Variants in CRPPA observed in about 807,000 individuals in gnomAD.
CRPPA encodes D-ribitol-5-phosphate cytidylyltransferase.
Under a neutral mutation model 52.0 loss-of-function variants are expected in CRPPA, and 43 were observed. The ratio of observed to expected loss-of-function variants is 0.83; its 90% CI spans 0.65 to 1.07. CRPPA has a LOEUF of 1.07. CRPPA is among the 50% of genes least tolerant of loss of function. The probability of loss-of-function intolerance (pLI) is 0.00; values close to 1 mark genes in which losing one functional copy is unlikely to be tolerated. For synonymous variants in CRPPA, 250 were observed against 203.5 expected (o/e 1.23, Z -1.94); for missense variants, 629 against 551.7 (o/e 1.14, Z -1.40).
intron 9 of CRPPA, among the ~76,000 whole-genome samples, chr7:16,113,588 T>C (rs1298881048): frequency 6.6e-6 from 1 of 151,914 alleles, no homozygotes; most frequent in Non-Finnish European, 1.5e-5. Flanking sequence ...GACCAACAAT[T>C]AGCCTGGCAG....
chr7:16,270,201 G>C (rs1267228103), intron 6 of CRPPA: 1 of 152,086 alleles, frequency 6.6e-6, no homozygotes. Flanking sequence ...TAGTATAATG[G>C]TTGTCCAGAA....
At chr7:16,389,505 C>T (rs928887765) in intron 2 of CRPPA, among the ~76,000 whole-genome samples, 3 of 151,994 alleles carry the variant, frequency 2.0e-5, no homozygotes, top group Non-Finnish European at 2.9e-5. Flanking sequence ...AAAGGACAAA[C>T]ATATGAACAT....
intron 3 of CRPPA, among the ~76,000 whole-genome samples, chr7:16,310,356 C>T (rs150029812): frequency 0.014 from 2,111 of 152,214 alleles, 20 homozygotes; most frequent in South Asian, 0.023. Flanking sequence ...TATAGAGAAA[C>T]ACACAGTCAA....
intron 9 of CRPPA, among the ~76,000 whole-genome samples, chr7:16,120,212 G>C (rs1583370104): frequency 6.6e-6 from 1 of 152,142 alleles, no homozygotes; most frequent in African/African-American, 2.4e-5. Context: ...GTTGACCTTG[G>C]TCAGGTCTGT....
At chr7:16,303,891 A>C (rs1034359228) in intron 4 of CRPPA, among the ~76,000 whole-genome samples, 4 of 152,218 alleles carry the variant, frequency 2.6e-5, no homozygotes, top group African/African-American at 9.6e-5. Context: ...TCATTCCAAT[A>C]ATATTGTGAT....
intron 9 of CRPPA, among the ~76,000 whole-genome samples, chr7:16,173,200 C>T (rs548408667): frequency 5.9e-5 from 9 of 152,178 alleles, no homozygotes; most frequent in Non-Finnish European, 1.0e-4. Flanking sequence ...TCACTAAGTT[C>T]ATCCAGGTGG....
chr7:16,397,646 ATGAC>A (rs1213423598), intron 2 of CRPPA, among the ~76,000 whole-genome samples: 1 of 152,126 alleles, frequency 6.6e-6, no homozygotes, highest in Non-Finnish European at 1.5e-5. Flanking sequence ...CACGTGACAC[ATGAC>A]TGACATGTGA....
intron 3 of CRPPA, among the ~76,000 whole-genome samples, chr7:16,317,562 T>G (rs569078027): frequency 6.6e-6 from 1 of 152,158 alleles, no homozygotes; most frequent in Non-Finnish European, 1.5e-5. Flanking sequence ...GGTAGATTCA[T>G]TCATGTTGTT....
intron 9 of CRPPA, among the ~76,000 whole-genome samples, chr7:16,154,584 T>C (rs1261359103): frequency 2.0e-5 from 3 of 152,220 alleles, no homozygotes; most frequent in African/African-American, 7.2e-5. Flanking sequence ...TGTGCCCAAG[T>C]ATTAGTTATA....
At chr7:16,287,075 GTAGA>G (rs530949322) in intron 5 of CRPPA, among the ~76,000 whole-genome samples, 161 of 152,102 alleles carry the variant, frequency 1.1e-3, no homozygotes, top group African/African-American at 3.7e-3. Flanking sequence ...TTTTATTGTG[GTAGA>G]TACTTTTATA....
chr7:16,272,090 C>A (rs1174396561), intron 6 of CRPPA, among the ~76,000 whole-genome samples: 1 of 152,124 alleles, frequency 6.6e-6, no homozygotes, highest in Non-Finnish European at 1.5e-5. Flanking sequence ...TGATCTATCT[C>A]TGGAGAGCTC....
At chr7:16,416,327 T>G (rs1788191376) in intron 1 of CRPPA, among the ~76,000 whole-genome samples, 1 of 152,106 alleles carries the variant, frequency 6.6e-6, no homozygotes, top group Admixed American at 6.5e-5. Flanking sequence ...TCCAGAGGAA[T>G]AAAACTGGAC....
chr7:16,237,999 T>C (rs930716144), intron 8 of CRPPA, among the ~76,000 whole-genome samples: 6 of 152,322 alleles, frequency 3.9e-5, no homozygotes, highest in African/African-American at 1.4e-4. Flanking sequence ...CCTAGCTAAA[T>C]TTCTCAAACC....
chr7:16,103,246 T>C (rs572970898), intron 9 of CRPPA, among the ~76,000 whole-genome samples: 1 of 151,462 alleles, frequency 6.6e-6, no homozygotes, highest in East Asian at 1.9e-4. Context: ...TAAGTGGGAG[T>C]TGAACAATGA....
At chr7:16,263,370 C>T (rs6968510) in intron 6 of CRPPA, among the ~76,000 whole-genome samples, 48,696 of 152,068 alleles carry the variant, frequency 0.32, 7,973 homozygotes, top group Admixed American at 0.39. Flanking sequence ...CAACTTCGGC[C>T]CATATTGACT....
intron 9 of CRPPA, among the ~76,000 whole-genome samples, chr7:16,214,104 A>C (rs1199655658): frequency 6.6e-6 from 1 of 152,210 alleles, no homozygotes; most frequent in Non-Finnish European, 1.5e-5. Context: ...TTTAAGTGAT[A>C]AATTTTCTTT....
chr7:16,308,667 G>A, intron 3 of CRPPA, 40 bp from the exon 4 acceptor site: 3 of 1,202,188 alleles, frequency 2.5e-6, no homozygotes, highest in African/African-American at 1.5e-5. Flanking sequence ...AAGCTAAAAT[G>A]CGATTTTAAG....
chr7:16,313,688 C>T lies in CRPPA; in HGVS notation c.685-5061G>A, dbSNP rs781690392. On this transcript the variant is annotated intron_variant, in intron 3 of 9. Transcript: ENST00000407010. ...CTATCGTTTTTCCTGTAAGCACTGT[C>T]CCTGCTGCATTCCAAAATTTTGATG... Among the ~76,000 whole-genome samples, 3 of 151,904 alleles carry T rather than the reference C, an allele frequency of 2.0e-5. No homozygotes were observed. In the South Asian group the frequency reaches 6.2e-4, roughly 31 times the overall value.
chr7:16,310,377 G>T (rs147710827), intron 3 of CRPPA, among the ~76,000 whole-genome samples: 7 of 152,200 alleles, frequency 4.6e-5, no homozygotes, highest in Non-Finnish European at 1.0e-4. Context: ...CACGCCCCAA[G>T]TAGAAAACTC....
Sources: gnomAD v4.1 joint callset for allele counts (sites outside exome capture counted in the v4.1 genomes callset) on GRCh38, gnomAD v4.1.1 for gene constraint, MANE v1.5 for transcripts, NCBI Gene and HGNC (gene_info 2026-07-23, HGNC 2026-07-21) for gene names.